Variants in GLIS3 observed in about 807,000 individuals in gnomAD.
GLIS3 encodes GLIS family zinc finger 3, also known as zinc finger protein GLIS3.
GLIS3 carries 53 observed loss-of-function variants against 78.6 expected under a neutral mutation model. The observed-to-expected ratio is 0.67, with a 90% confidence interval of 0.54 to 0.85. The LOEUF is 0.85. Among genes scored for constraint, GLIS3 ranks in the 40% least tolerant of loss-of-function variants. The probability of loss-of-function intolerance (pLI) is 0.00; values close to 1 mark genes in which losing one functional copy is unlikely to be tolerated. For synonymous variants in GLIS3, 684 were observed against 509.9 expected (o/e 1.34, Z -4.60); for missense variants, 1,703 against 1,231.1 (o/e 1.38, Z -5.74).
At chr9:3,961,762 G>A (rs947813584) in intron 4 of GLIS3, among the ~76,000 whole-genome samples, 1 of 152,110 alleles carries the variant, frequency 6.6e-6, no homozygotes, top group Non-Finnish European at 1.5e-5. Flanking sequence ...AAAGTTGAGG[G>A]GATCTTCGCT....
intron 4 of GLIS3, among the ~76,000 whole-genome samples, chr9:4,079,753 A>G (rs923305516): frequency 1.3e-5 from 2 of 151,884 alleles, no homozygotes; most frequent in African/African-American, 2.4e-5. Flanking sequence ...TGAAAAAAAA[A>G]AAAAAAGAAA....
chr9:3,863,291 C>A (rs1820347610), intron 8 of GLIS3, among the ~76,000 whole-genome samples: 1 of 152,218 alleles, frequency 6.6e-6, no homozygotes, highest in Non-Finnish European at 1.5e-5. Context: ...TCAGTTCAAT[C>A]CAGATTTGTC....
chr9:4,194,196 T>A (rs59123857), intron 2 of GLIS3, among the ~76,000 whole-genome samples: 1,613 of 152,226 alleles, frequency 0.011, 36 homozygotes, highest in African/African-American at 0.037. Context: ...TAGCTGGGAT[T>A]ACAGGCCCAC....
At chr9:3,976,491 ATT>A (rs33944118) in intron 4 of GLIS3, among the ~76,000 whole-genome samples, 5 of 149,566 alleles carry the variant, frequency 3.3e-5, no homozygotes, top group African/African-American at 1.2e-4. Flanking sequence ...CCCATTGCCT[ATT>A]TTTTTTTTCC....
intron 4 of GLIS3, chr9:4,071,888 C>T (rs534435521): frequency 6.6e-6 from 1 of 152,224 alleles, no homozygotes; most frequent in East Asian, 1.9e-4. Flanking sequence ...AGAATGTATC[C>T]ATAACAATGC....
chr9:4,416,252 T>TAAAA, the GLIS3 span, among the ~76,000 whole-genome samples: 9 of 75,796 alleles, frequency 1.2e-4, no homozygotes, highest in African/African-American at 4.2e-4. Context: ...ACACTGTTTT[T>TAAAA]AAAAAAAAAA....
chr9:4,397,738 G>C, the GLIS3 span, among the ~76,000 whole-genome samples: 2 of 143,570 alleles, frequency 1.4e-5, no homozygotes, highest in Non-Finnish European at 3.0e-5. Flanking sequence ...GGGAGGAAAA[G>C]AGGGAGAAAG....
At chr9:4,083,235 G>A (rs1467715428) in intron 4 of GLIS3, among the ~76,000 whole-genome samples, 4 of 152,056 alleles carry the variant, frequency 2.6e-5, no homozygotes, top group African/African-American at 9.7e-5. Context: ...TTGTCTTGTG[G>A]ACCCTCTTAC....
chr9:4,245,529 G>A (rs1415830427), intron 2 of GLIS3, among the ~76,000 whole-genome samples: 4 of 152,212 alleles, frequency 2.6e-5, no homozygotes, highest in Non-Finnish European at 5.9e-5. Flanking sequence ...AAAATGCGAA[G>A]AGCTATATAA....
In GLIS3 at chr9:3,911,515, C is replaced by A. The variant is rs639945; in HGVS notation, c.1984-12680G>T. ...GATGATGGTAAATGTCTGCCCCAAA[C>A]TAAGTTATCTAAAAAAATTGTCTCT... On this transcript the variant is annotated intron_variant, in intron 6 of 10. Coordinates refer to ENST00000381971, the MANE Select transcript of GLIS3 (RefSeq NM_001042413.2). Among the ~76,000 whole-genome samples the A allele has an allele frequency of 2.0e-5, 3 of 152,312 alleles. No homozygotes were observed. In the East Asian group the frequency reaches 5.8e-4, roughly 29 times the overall value.
intron 2 of GLIS3, among the ~76,000 whole-genome samples, chr9:4,254,803 G>C (rs10974411): frequency 6.8e-6 from 1 of 147,738 alleles, no homozygotes; most frequent in Non-Finnish European, 1.5e-5. Flanking sequence ...CCGTGCCACT[G>C]CACTCCAGCC....
the GLIS3 span, among the ~76,000 whole-genome samples, chr9:4,391,707 G>C: frequency 6.6e-6 from 1 of 152,148 alleles, no homozygotes; most frequent in Non-Finnish European, 1.5e-5. Flanking sequence ...GGTTTGTACT[G>C]TCAATAGGGA....
chr9:4,248,676 C>T (rs975319110), intron 2 of GLIS3, among the ~76,000 whole-genome samples: 1 of 152,134 alleles, frequency 6.6e-6, no homozygotes, highest in African/African-American at 2.4e-5. Context: ...CTGTCTTCCA[C>T]ATGGTTGAAC....
intron 2 of GLIS3, among the ~76,000 whole-genome samples, chr9:4,235,081 G>A (rs552195391): frequency 9.2e-5 from 14 of 152,042 alleles, no homozygotes; most frequent in African/African-American, 2.4e-4. Context: ...GGTGGATCAC[G>A]AGGCCAGGAG....
chr9:4,093,194 T>C (rs550172124), intron 4 of GLIS3, among the ~76,000 whole-genome samples: 11 of 151,430 alleles, frequency 7.3e-5, no homozygotes, highest in Admixed American at 7.2e-4. Flanking sequence ...AGTGGCAGAG[T>C]CATGATTTAA....
chr9:3,995,033 A>G (rs1291217992), intron 4 of GLIS3, among the ~76,000 whole-genome samples: 1 of 152,190 alleles, frequency 6.6e-6, no homozygotes, highest in Non-Finnish European at 1.5e-5. Flanking sequence ...GTATGGGTCT[A>G]GATTTGGATC....
chr9:4,474,989 T>TTTTG, the GLIS3 span, among the ~76,000 whole-genome samples: 1 of 96,116 alleles, frequency 1.0e-5, no homozygotes, highest in African/African-American at 3.7e-5. Context: ...ATGTTAATTT[T>TTTTG]TTTTTCTTTT....
At chr9:4,372,760 A>G in the GLIS3 span, among the ~76,000 whole-genome samples, 2 of 152,208 alleles carry the variant, frequency 1.3e-5, no homozygotes, top group Non-Finnish European at 2.9e-5. Flanking sequence ...GGAAGATGCT[A>G]TAAAGTTATG....
At chr9:3,963,669 T>G (rs957281683) in intron 4 of GLIS3, among the ~76,000 whole-genome samples, 2 of 152,172 alleles carry the variant, frequency 1.3e-5, no homozygotes, top group African/African-American at 4.8e-5. Flanking sequence ...ATTTAAAAGT[T>G]AACTTCTGCT....
Sources: allele counts gnomAD v4.1 joint callset (sites outside exome capture counted in the v4.1 genomes callset), GRCh38; gene constraint gnomAD v4.1.1; transcripts MANE v1.5; gene names NCBI Gene and HGNC (gene_info 2026-07-23, HGNC 2026-07-21).